TTBK1: variants seen among roughly 807,000 people sequenced by gnomAD.
TTBK1 encodes the protein tau-tubulin kinase 1.
In TTBK1, 34 loss-of-function variants were observed where a neutral mutation model predicts 108.5. The observed-to-expected ratio is 0.31, with a 90% CI of 0.24 to 0.42. The LOEUF (loss-of-function observed/expected upper bound fraction) is 0.42, where lower values mean the gene tolerates loss of function less well. Among genes scored for constraint, TTBK1 ranks in the 10% least tolerant of loss-of-function variants. TTBK1 has a pLI of 1.00. For missense variants in TTBK1, 1,539 were observed against 1,826.0 expected (o/e 0.84, Z 2.86); for synonymous variants, 809 against 795.1 (o/e 1.02, Z -0.29).
At chr6:43,261,929 G>A (rs1777551630) in intron 12 of TTBK1, among the ~76,000 whole-genome samples, 1 of 152,188 alleles carries the variant, frequency 6.6e-6, no homozygotes, top group South Asian at 2.1e-4. Context: ...GTCTCTTGGG[G>A]AGACAGATTA....
chr6:43,249,763 G>T (rs1397981883), intron 2 of TTBK1, among the ~76,000 whole-genome samples: 1 of 152,026 alleles, frequency 6.6e-6, no homozygotes, highest in Non-Finnish European at 1.5e-5. Flanking sequence ...TTTTAGTAGA[G>T]ATGGGGTTTC....
chr6:43,272,065 C>A lies in TTBK1; in HGVS notation c.1986+8715C>A, dbSNP rs1049049360. 8.1e-6 allele frequency: 8 copies of A among 985,372 alleles called. No individual in the cohort carries two copies. In the African/African-American group the frequency reaches 1.0e-4, roughly 13 times the overall value. The allele number at this position is 985,372 out of a possible 1,614,324, so 61.0% of individuals were successfully genotyped here. The stretch of plus-strand genomic sequence containing the variant: ...GGTGAGGCTGAACAGTGGCCCCACT[C>A]CCCTCCTGCTGGCACTGCCTCCCCC... On this transcript the variant is annotated intron_variant, in intron 13 of 14. Transcript: ENST00000259750.
Position 43,263,881 on chromosome 6 carries a change from G to A in TTBK1, c.1986+531G>A, listed in dbSNP as rs1374802809. ...AAAATGGATTGAAATGGCCTGAAAT[G>A]AGATGCAAGCAGGCCACGTGGCAGG... On this transcript the variant is annotated intron_variant, in intron 13 of 14. Coordinates refer to ENST00000259750, the MANE Select transcript of TTBK1 (RefSeq NM_032538.3). This position sits in a 1 kb window ranked among gnomAD's most constrained non-coding sequence, Gnocchi z 4.7. Among the ~76,000 whole-genome samples, 1 of 152,156 alleles carries A rather than the reference G, an allele frequency of 6.6e-6. No individual in the cohort carries two copies. The highest frequency in any genetic ancestry group is 1.5e-5 in the Non-Finnish European group (1 of 68,018).
In TTBK1 at chr6:43,283,807, G is replaced by C. The variant is rs767071657; in HGVS notation, c.3067G>C (p.Gly1023Arg). 1 of 1,613,074 alleles carries C rather than the reference G, an allele frequency of 6.2e-7. No homozygotes were observed. Among genetic ancestry groups the C allele is most frequent in the Non-Finnish European group, 8.5e-7 (1 of 1,179,634 alleles). ...GCCCAATGGCCCGGCCCTTGCAGAC[G>C]GGCCAGCCCCGGTGTCCCCGCTGGA... ...SLPNGPALAD[G>R]PAPVSPLEPS... The change falls in exon 14 of 15, where the codon GGG becomes CGG. Residue 1023 changes from glycine (G) to arginine (R), a missense_variant. By Grantham distance (125) the Gly-to-Arg change is moderately radical. Coordinates refer to ENST00000259750, the MANE Select transcript of TTBK1 (RefSeq NM_032538.3). The surrounding 1 kb of genome is among the most constrained non-coding windows in gnomAD (Gnocchi z 8.1).
At position 43,263,168 on chromosome 6, in the gene TTBK1, G is replaced by A. The variant is rs770994802; in HGVS notation, c.1804G>A (p.Ala602Thr). ...CCGGCCCCGGGGACGCAGCATGCAG[G>A]CGCTGGCGGAGGAGGACCTGCAGCA... The part of the protein sequence containing the change: ...TVRPRGRSMQ[A>T]LAEEDLQHLP... The change falls in exon 13 of 15, where the codon GCG becomes ACG. Residue 602 changes from alanine to threonine, a missense_variant. Ala to Thr is a moderately conservative substitution (Grantham distance 58). This residue lies in a region of TTBK1 where 1,055 missense variants were observed against 1,086.5 expected (regional missense o/e 0.97). Transcript: ENST00000259750. This position sits in a 1 kb window ranked among gnomAD's most constrained non-coding sequence, Gnocchi z 4.7. 6.3e-7 allele frequency: 1 copy of A among 1,575,316 alleles called. No individual in the cohort carries two copies. The highest frequency in any genetic ancestry group is 1.2e-5 in the South Asian group (1 of 86,310).
intron 13 of TTBK1, among the ~76,000 whole-genome samples, chr6:43,267,639 T>C (rs1328551028): frequency 6.9e-6 from 1 of 144,430 alleles, no homozygotes; most frequent in Non-Finnish European, 1.5e-5. Context: ...TTTGTTTTTG[T>C]TTTTTTTCTT....
At chr6:43,281,191 C>T (rs1017087819) in intron 13 of TTBK1, among the ~76,000 whole-genome samples, 1 of 151,676 alleles carries the variant, frequency 6.6e-6, no homozygotes, top group Non-Finnish European at 1.5e-5. Context: ...CTGGCCAACA[C>T]GGCGAAACCC....
intron 6 of TTBK1, 117 bp from the exon 7 acceptor site, chr6:43,254,932 C>T: frequency 9.5e-7 from 1 of 1,053,296 alleles, no homozygotes; most frequent in South Asian, 1.3e-5. Flanking sequence ...GAGAGCAGGC[C>T]CACCTCCCCA....
At chr6:43,247,850 G>A (rs966917135) in intron 2 of TTBK1, 1 of 152,380 alleles carries the variant, frequency 6.6e-6, no homozygotes, top group African/African-American at 2.4e-5. Flanking sequence ...TCTGGGACTG[G>A]GGGTTGGGAG....
Position 43,253,882 on chromosome 6 carries a change from G to A in TTBK1, c.471+174G>A, listed in dbSNP as rs945182692. On this transcript the variant is annotated intron_variant, in intron 5 of 14. Transcript: ENST00000259750. This position sits in a 1 kb window ranked among gnomAD's most constrained non-coding sequence, Gnocchi z 5.8. ...CCCAGGCCCCATCTCTTCCTCTCCC[G>A]TGCTCCCCAGGAGCATGCACCCCTG... Among the ~76,000 whole-genome samples the A allele has an allele frequency of 2.0e-5, 3 of 152,010 alleles. No individual in the cohort carries two copies. The highest frequency in any genetic ancestry group is 1.9e-4 in the East Asian group (1 of 5,190).
At position 43,255,727 on chromosome 6, in the gene TTBK1, C is replaced by T; in HGVS notation, c.736-4C>T. 1 of 1,614,140 alleles carries T rather than the reference C, an allele frequency of 6.2e-7. No homozygotes were observed. Among genetic ancestry groups the T allele is most frequent in the East Asian group, 2.2e-5 (1 of 44,884 alleles). On this transcript the variant is annotated splice_polypyrimidine_tract_variant and splice_region_variant and intron_variant, in intron 8 of 14. Transcript: ENST00000259750. ...TCCATCTCCCTGTGGCCTCTTGCCTCCAGGAACAGGTAGGGATGATCAAGG... is the reference window on the plus strand; with the variant it reads ...TCCATCTCCCTGTGGCCTCTTGCCTTCAGGAACAGGTAGGGATGATCAAGG...
chr6:43,247,309 G>A (rs1364741388), intron 2 of TTBK1, among the ~76,000 whole-genome samples: 2 of 152,194 alleles, frequency 1.3e-5, no homozygotes, highest in Non-Finnish European at 2.9e-5. Context: ...GGCGTGCCCT[G>A]CTCCTCCAGC....
intron 13 of TTBK1, chr6:43,271,148 G>A: frequency 1.0e-6 from 1 of 985,522 alleles, no homozygotes; most frequent in Non-Finnish European, 1.2e-6. Context: ...GAATGCGGTA[G>A]TAGTGAAGTG....
intron 13 of TTBK1, among the ~76,000 whole-genome samples, chr6:43,264,249 G>A (rs920710957): frequency 1.3e-5 from 2 of 152,138 alleles, no homozygotes; most frequent in Non-Finnish European, 1.5e-5. Context: ...CGGGTGTGGT[G>A]GTGCCTGCCT....
intron 5 of TTBK1, among the ~76,000 whole-genome samples, chr6:43,254,212 C>G (rs1044235046): frequency 1.3e-5 from 2 of 152,252 alleles, no homozygotes; most frequent in Non-Finnish European, 2.9e-5. Flanking sequence ...GGCAGCCACA[C>G]CAGTTACACC....
Position 43,259,666 on chromosome 6 carries a change from C to T in TTBK1, c.1384C>T (p.Leu462=). 6.2e-7 allele frequency: 1 copy of T among 1,606,178 alleles called. No individual in the cohort carries two copies. The highest frequency in any genetic ancestry group is 8.5e-7 in the Non-Finnish European group (1 of 1,176,572). The part of the protein sequence containing the change: ...RRVNSPESER[L]STADGRVELP... ...GGTGAACAGCCCTGAGTCAGAAAGGCTGTCCACGGCGGACGGGCGAGTGGA... is the reference window on the plus strand; with the variant it reads ...GGTGAACAGCCCTGAGTCAGAAAGGTTGTCCACGGCGGACGGGCGAGTGGA... Residue 462 remains leucine, a synonymous_variant, in exon 12 of 15, where the codon CTG becomes TTG. Transcript: ENST00000259750. The surrounding 1 kb of genome is among the most constrained non-coding windows in gnomAD (Gnocchi z 6.7).
intron 12 of TTBK1, among the ~76,000 whole-genome samples, chr6:43,261,933 C>G (rs551522835): frequency 3.9e-5 from 6 of 151,964 alleles, no homozygotes; most frequent in Non-Finnish European, 8.8e-5. Context: ...CTTGGGGAGA[C>G]AGATTATGTG....
Position 43,285,166 on chromosome 6 carries a change from G to A in TTBK1, c.3756G>A (p.Gln1252=). 1.4e-6 allele frequency: 2 copies of A among 1,402,352 alleles called. No homozygotes were observed. The allele number at this position is 1,402,352 out of a possible 1,614,324, so 86.9% of individuals were successfully genotyped here. Residue 1252 remains glutamine, a synonymous_variant, in exon 15 of 15, where the codon CAG becomes CAA. Transcript: ENST00000259750. This position sits in a 1 kb window ranked among gnomAD's most constrained non-coding sequence, Gnocchi z 4.7. ...ATGCCAGCGCGTCCCCCCGGAGCCA[G>A]TCCCTGTCCCGCAGAGAGAGCCCCT... is the stretch of plus-strand genomic sequence containing the variant. ...ARNASASPRS[Q]SLSRRESPSP...
At chr6:43,258,050 C>T in intron 10 of TTBK1, 84 bp downstream of exon 10, 1 of 1,466,014 alleles carries the variant, frequency 6.8e-7, no homozygotes, top group Non-Finnish European at 9.1e-7. Context: ...TCCTCTCTTC[C>T]TATCTGGACA....
Sources: allele counts gnomAD v4.1 joint callset (sites outside exome capture counted in the v4.1 genomes callset), GRCh38; gene constraint gnomAD v4.1.1; regional missense constraint gnomAD v4.1.1; non-coding constraint Gnocchi (gnomAD v3.1); transcripts MANE v1.5; gene names NCBI Gene and HGNC (gene_info 2026-07-23, HGNC 2026-07-21).